Variants in BCL2 observed in about 807,000 individuals in gnomAD.
The protein encoded by BCL2 is BCL2 apoptosis regulator.
BCL2 carries 1 observed loss-of-function variant against 14.2 expected under a neutral mutation model. The observed-to-expected ratio is 0.07, with a 90% CI of 0.02 to 0.33. The LOEUF (loss-of-function observed/expected upper bound fraction) is 0.33, where lower values mean the gene tolerates loss of function less well. Ranked by LOEUF, BCL2 falls within the 10% of genes least tolerant of loss-of-function variation. The pLI is 0.99. For synonymous variants in BCL2, 151 were observed against 137.2 expected (o/e 1.10, Z -0.70); for missense variants, 247 against 305.9 (o/e 0.81, Z 1.44).
intron 2 of BCL2, among the ~76,000 whole-genome samples, chr18:63,177,384 C>A (rs1435125069): frequency 6.6e-6 from 1 of 152,128 alleles, no homozygotes; most frequent in Non-Finnish European, 1.5e-5. Flanking sequence ...TGAGGAGTAG[C>A]ACAAAGAACA....
At chr18:63,233,310 C>T (rs191328175) in intron 2 of BCL2, among the ~76,000 whole-genome samples, 1 of 152,280 alleles carries the variant, frequency 6.6e-6, no homozygotes, top group African/African-American at 2.4e-5. Flanking sequence ...TAGGATAAAT[C>T]TCAGAAACAT....
At chr18:63,170,192 T>A (rs1323580066) in intron 2 of BCL2, among the ~76,000 whole-genome samples, 1 of 152,104 alleles carries the variant, frequency 6.6e-6, no homozygotes, top group Admixed American at 6.5e-5. Context: ...CTTGGGAGTA[T>A]AAAATATGTT....
Position 63,201,203 on chromosome 18 carries a change from A to C in BCL2, c.586-72444T>G, listed in dbSNP as rs554963499. Among the ~76,000 whole-genome samples, 21 of 152,358 alleles carry C rather than the reference A, an allele frequency of 1.4e-4. No individual in the cohort carries two copies. The East Asian group carries it at 3.9e-3, about 28-fold the overall frequency. Reference sequence around the variant, plus strand: ...GAATTGTCCCTACCAAGCTATCTGCACCTTGAGCATATAACAAACCATTGT... The same window carrying C: ...GAATTGTCCCTACCAAGCTATCTGCCCCTTGAGCATATAACAAACCATTGT... On this transcript the variant is annotated intron_variant, in intron 2 of 2. Coordinates refer to ENST00000333681, the MANE Select transcript of BCL2 (RefSeq NM_000633.3).
chr18:63,231,964 A>C (rs1910700778), intron 2 of BCL2, among the ~76,000 whole-genome samples: 1 of 152,136 alleles, frequency 6.6e-6, no homozygotes, highest in Non-Finnish European at 1.5e-5. Context: ...AAGACACTAT[A>C]GTATTGGTGT....
At chr18:63,141,739 C>G (rs1306593918) in intron 2 of BCL2, among the ~76,000 whole-genome samples, 2 of 152,254 alleles carry the variant, frequency 1.3e-5, no homozygotes, top group African/African-American at 4.8e-5. Context: ...TGGCTCTCCT[C>G]CCCACCCCAC....
intron 2 of BCL2, 85 bp from the exon 3 acceptor site, chr18:63,128,844 C>A: frequency 1.5e-6 from 1 of 659,980 alleles, no homozygotes; most frequent in East Asian, 2.7e-5. Context: ...AAGAGGCATC[C>A]TGCCAGGGCA....
chr18:63,223,012 GA>G (rs1384419800), intron 2 of BCL2, among the ~76,000 whole-genome samples: 1 of 152,218 alleles, frequency 6.6e-6, no homozygotes, highest in Non-Finnish European at 1.5e-5. Context: ...TGAGGAGCAG[GA>G]AAGTTAGGAA....
intron 2 of BCL2, among the ~76,000 whole-genome samples, chr18:63,170,205 T>C (rs918553518): frequency 6.6e-6 from 1 of 152,164 alleles, no homozygotes; most frequent in Non-Finnish European, 1.5e-5. Context: ...AATATGTTAC[T>C]ATATACGACA....
intron 2 of BCL2, among the ~76,000 whole-genome samples, chr18:63,283,923 T>C (rs1275471653): frequency 1.3e-5 from 2 of 152,188 alleles, no homozygotes; most frequent in African/African-American, 4.8e-5. Flanking sequence ...AAAATAAACT[T>C]GGCGTTTGTT....
intron 2 of BCL2, among the ~76,000 whole-genome samples, chr18:63,286,017 A>G (rs964232475): frequency 6.6e-6 from 1 of 152,166 alleles, no homozygotes; most frequent in African/African-American, 2.4e-5. Context: ...TCTCCTGGGT[A>G]TATCTGAACT....
chr18:63,310,126 G>A (rs890620878), intron 2 of BCL2, among the ~76,000 whole-genome samples: 8 of 152,178 alleles, frequency 5.3e-5, no homozygotes, highest in Admixed American at 2.0e-4. Flanking sequence ...AGCTCCCACA[G>A]TGCTGGGATT....
At chr18:63,253,909 C>CTTT (rs34470267) in intron 2 of BCL2, among the ~76,000 whole-genome samples, 5 of 144,706 alleles carry the variant, frequency 3.5e-5, no homozygotes, top group South Asian at 2.1e-4. Flanking sequence ...TGAATGTTGT[C>CTTT]TTTTTTTTTT....
intron 2 of BCL2, among the ~76,000 whole-genome samples, chr18:63,289,012 G>A (rs1480996325): frequency 6.6e-6 from 1 of 152,202 alleles, no homozygotes; most frequent in Non-Finnish European, 1.5e-5. Flanking sequence ...AGCTAGGAGA[G>A]AAGTGAACAA....
intron 2 of BCL2, among the ~76,000 whole-genome samples, chr18:63,297,645 G>A (rs528524038): frequency 2.6e-5 from 4 of 152,186 alleles, no homozygotes; most frequent in Non-Finnish European, 4.4e-5. Context: ...TACTGTGATC[G>A]CAGAAAATCT....
chr18:63,144,515 G>A (rs1415724763), intron 2 of BCL2, among the ~76,000 whole-genome samples: 1 of 151,994 alleles, frequency 6.6e-6, no homozygotes, highest in Non-Finnish European at 1.5e-5. Flanking sequence ...AAGCAGAAAA[G>A]ACATACAAGA....
At chr18:63,262,732 T>C (rs916237371) in intron 2 of BCL2, among the ~76,000 whole-genome samples, 2 of 152,038 alleles carry the variant, frequency 1.3e-5, no homozygotes, top group East Asian at 3.9e-4. Context: ...AAAGTAAAAT[T>C]CCAGGCTAGG....
chr18:63,280,889 T>C (rs1568256573), intron 2 of BCL2, among the ~76,000 whole-genome samples: 1 of 152,184 alleles, frequency 6.6e-6, no homozygotes, highest in Non-Finnish European at 1.5e-5. Context: ...GTACATACCG[T>C]TCATAGCAGC....
At chr18:63,203,527 CAGATACA>C (rs551277044) in intron 2 of BCL2, among the ~76,000 whole-genome samples, 255 of 152,286 alleles carry the variant, frequency 1.7e-3, no homozygotes, top group Non-Finnish European at 2.8e-3. Context: ...GAAGCTAAGC[CAGATACA>C]AGATACAAGT....
chr18:63,167,659 G>C (rs1915077119), intron 2 of BCL2, among the ~76,000 whole-genome samples: 1 of 152,088 alleles, frequency 6.6e-6, no homozygotes, highest in South Asian at 2.1e-4. Flanking sequence ...TGGGCGTGGT[G>C]GCTCCTGTCT....
Sources: allele counts gnomAD v4.1 joint callset (sites outside exome capture counted in the v4.1 genomes callset), GRCh38; gene constraint gnomAD v4.1.1; transcripts MANE v1.5; gene names NCBI Gene and HGNC (gene_info 2026-07-23, HGNC 2026-07-21).